The following CNTN5 variants were observed in gnomAD, a reference collection of about 807,000 sequenced individuals.
The protein encoded by CNTN5 is contactin-5.
In CNTN5, 77 loss-of-function variants were observed where a neutral mutation model predicts 129.1. The ratio of observed to expected loss-of-function variants is 0.60; its 90% CI spans 0.50 to 0.72. CNTN5 has a LOEUF of 0.72. Among genes scored for constraint, CNTN5 ranks in the 30% least tolerant of loss-of-function variants. The pLI, the probability that CNTN5 is intolerant of heterozygous loss-of-function variation, is 0.00. For synonymous variants in CNTN5, 509 were observed against 465.6 expected (o/e 1.09, Z -1.20); for missense variants, 1,478 against 1,328.8 (o/e 1.11, Z -1.75).
At chr11:99,420,844 A>T (rs1255137934) in intron 2 of CNTN5, among the ~76,000 whole-genome samples, 2 of 152,038 alleles carry the variant, frequency 1.3e-5, no homozygotes, top group Middle Eastern at 3.2e-3. Flanking sequence ...TCCTACTTGA[A>T]TTTTACTTTC....
chr11:99,212,322 C>T (rs1010905231), intron 1 of CNTN5, among the ~76,000 whole-genome samples: 10 of 152,178 alleles, frequency 6.6e-5, no homozygotes, highest in Admixed American at 2.0e-4. Context: ...ATCTTTACAG[C>T]TTAGTTTTTC....
intron 1 of CNTN5, among the ~76,000 whole-genome samples, chr11:99,234,960 A>G (rs2135739803): frequency 6.6e-6 from 1 of 152,230 alleles, no homozygotes; most frequent in South Asian, 2.1e-4. Context: ...GGTATTTACA[A>G]AGTCAATTGA....
chr11:100,074,355 C>A, intron 13 of CNTN5, 61 bp downstream of exon 13: 1 of 1,344,872 alleles, frequency 7.4e-7, no homozygotes, highest in Non-Finnish European at 1.0e-6. Flanking sequence ...ACAGGTGACA[C>A]ACACAAACTA....
intron 1 of CNTN5, among the ~76,000 whole-genome samples, chr11:99,167,976 C>A (rs1321979315): frequency 6.6e-6 from 1 of 151,366 alleles, no homozygotes; most frequent in Admixed American, 6.6e-5. Context: ...CAATCTGTTC[C>A]CCAGGCTGGA....
At position 99,852,805 on chromosome 11, in the gene CNTN5, C is replaced by G. The variant is rs138608662; in HGVS notation, c.577+7543C>G. ...AGTAACAAGGATCAGGGACTGTATA[C>G]ATCTTCTGACCTTTAATGCTCAAGC... is the stretch of plus-strand genomic sequence containing the variant. On this transcript the variant is annotated intron_variant, in intron 6 of 24. Coordinates refer to ENST00000524871, the MANE Select transcript of CNTN5 (RefSeq NM_014361.4). Among the ~76,000 whole-genome samples, 261 of 152,266 alleles carry G rather than the reference C, an allele frequency of 1.7e-3. 1 individual carries two copies. Among genetic ancestry groups the G allele is most frequent in the East Asian group, 6.6e-3 (34 of 5,170 alleles).
chr11:100,138,445 AT>A (rs1946594407), intron 13 of CNTN5, among the ~76,000 whole-genome samples: 1 of 152,092 alleles, frequency 6.6e-6, no homozygotes. Flanking sequence ...AAAGAATGTG[AT>A]TTGTCAGATT....
intron 13 of CNTN5, among the ~76,000 whole-genome samples, chr11:100,101,897 G>A (rs913637401): frequency 1.2e-4 from 19 of 152,018 alleles, no homozygotes; most frequent in East Asian, 1.2e-3. Context: ...ATGTTGCTGC[G>A]AAATATTATT....
In CNTN5 at chr11:99,928,472, C is replaced by T. The variant is rs528807785; in HGVS notation, c.673+12323C>T. The stretch of plus-strand genomic sequence containing the variant: ...TTCAGGCACTCCCATATTCTGAAAT[C>T]TAGCCAGAGGTTCCCAAACCTCAAT... On this transcript the variant is annotated intron_variant, in intron 7 of 24. Coordinates refer to ENST00000524871, the MANE Select transcript of CNTN5 (RefSeq NM_014361.4). 2.6e-5 allele frequency among the ~76,000 whole-genome samples: 4 copies of T among 152,350 alleles called. No individual in the cohort carries two copies. The South Asian group carries it at 8.3e-4, about 32-fold the overall frequency.
At chr11:99,162,680 GA>G (rs1860673171) in intron 1 of CNTN5, among the ~76,000 whole-genome samples, 1 of 152,160 alleles carries the variant, frequency 6.6e-6, no homozygotes, top group African/African-American at 2.4e-5. Context: ...TAGCTTGTCT[GA>G]AGTTGCACAG....
intron 3 of CNTN5, among the ~76,000 whole-genome samples, chr11:99,702,484 G>A (rs903675083): frequency 1.3e-5 from 2 of 150,876 alleles, no homozygotes; most frequent in Non-Finnish European, 3.0e-5. Context: ...AGGCTTATTA[G>A]TATCACTAGA....
At chr11:100,257,776 CA>C (rs533471951) in intron 17 of CNTN5, among the ~76,000 whole-genome samples, 32 of 152,256 alleles carry the variant, frequency 2.1e-4, no homozygotes, top group African/African-American at 7.7e-4. Flanking sequence ...ACAGAAACCC[CA>C]TCCAAAGGTC....
rs570054825 is a variant in CNTN5, at chr11:99,815,966, C to G, written c.56-3578C>G. ...ATTCCCTCCCTCACCGGGTTAGAGTCCGTGGTCCATAACATTATTCACTTC... is the reference window on the plus strand; with the variant it reads ...ATTCCCTCCCTCACCGGGTTAGAGTGCGTGGTCCATAACATTATTCACTTC... On this transcript the variant is annotated intron_variant, in intron 3 of 24. Transcript: ENST00000524871. Among the ~76,000 whole-genome samples, 42 of 152,246 alleles carry G rather than the reference C, an allele frequency of 2.8e-4. No homozygotes were observed. The South Asian group carries it at 8.7e-3, about 32-fold the overall frequency.
chr11:100,168,079 G>A (rs1324094122), intron 13 of CNTN5, among the ~76,000 whole-genome samples: 1 of 151,864 alleles, frequency 6.6e-6, no homozygotes, highest in Non-Finnish European at 1.5e-5. Flanking sequence ...GTTTGACAGA[G>A]GTGAGGAAGC....
At chr11:99,655,838 A>G (rs377757669) in intron 3 of CNTN5, among the ~76,000 whole-genome samples, 13 of 152,034 alleles carry the variant, frequency 8.6e-5, no homozygotes, top group Admixed American at 5.9e-4. Flanking sequence ...AGACAGGAAT[A>G]AATTTATCCA....
intron 3 of CNTN5, among the ~76,000 whole-genome samples, chr11:99,667,185 T>C (rs1159551640): frequency 1.3e-5 from 2 of 152,160 alleles, no homozygotes; most frequent in East Asian, 3.9e-4. Context: ...AGGTCAGTGG[T>C]ATGATAATAT....
intron 4 of CNTN5, among the ~76,000 whole-genome samples, chr11:99,841,885 CAT>C (rs1268368274): frequency 0.019 from 266 of 14,064 alleles, 10 homozygotes; most frequent in East Asian, 0.11. Context: ...CATACATATA[CAT>C]ATATATATAT....
chr11:99,800,830 C>G (rs982116286), intron 3 of CNTN5, among the ~76,000 whole-genome samples: 1 of 152,044 alleles, frequency 6.6e-6, no homozygotes, highest in African/African-American at 2.4e-5. Flanking sequence ...TGGGATGGTT[C>G]TTTTGAAGAC....
intron 3 of CNTN5, among the ~76,000 whole-genome samples, chr11:99,682,520 AT>A (rs373263528): frequency 1.3e-5 from 2 of 152,116 alleles, no homozygotes; most frequent in African/African-American, 2.4e-5. Context: ...TACCAAAGTA[AT>A]TTTTTAAAAG....
At chr11:100,154,040 G>T (rs111918260) in intron 13 of CNTN5, among the ~76,000 whole-genome samples, 3,785 of 151,866 alleles carry the variant, frequency 0.025, 154 homozygotes, top group African/African-American at 0.087. Context: ...TAAGTTCTGG[G>T]GTACATGTGC....
Sources: allele counts gnomAD v4.1 joint callset (sites outside exome capture counted in the v4.1 genomes callset), GRCh38; gene constraint gnomAD v4.1.1; transcripts MANE v1.5; gene names NCBI Gene and HGNC (gene_info 2026-07-23, HGNC 2026-07-21).